LPGAT1: variants seen among roughly 807,000 people sequenced by gnomAD.
The protein encoded by LPGAT1 is lysophosphatidylglycerol acyltransferase 1.
A neutral mutation model predicts 47.5 loss-of-function variants in LPGAT1; 11 were observed. The observed-to-expected ratio is 0.23, with a 90% confidence interval of 0.15 to 0.38. The LOEUF is 0.38. Ranked by LOEUF, LPGAT1 falls within the 10% of genes least tolerant of loss-of-function variation. The pLI is 1.00. For missense variants in LPGAT1, 293 were observed against 439.0 expected, an observed-to-expected ratio of 0.67 and a Z score of 2.97; for synonymous variants, 138 against 144.2, an observed-to-expected ratio of 0.96 and a Z score of 0.31.
intron 2 of LPGAT1, among the ~76,000 whole-genome samples, chr1:211,817,237 G>C (rs1281259337): frequency 1.3e-5 from 2 of 152,142 alleles, no homozygotes; most frequent in African/African-American, 2.4e-5. Context: ...TGTCACAAAT[G>C]CATTTTGAAC....
At chr1:211,827,668 A>G (rs1344859043) in intron 2 of LPGAT1, among the ~76,000 whole-genome samples, 2 of 152,044 alleles carry the variant, frequency 1.3e-5, no homozygotes, top group African/African-American at 2.4e-5. Flanking sequence ...ACTCTAAGAC[A>G]GCAGTGCAAT....
intron 6 of LPGAT1, among the ~76,000 whole-genome samples, chr1:211,752,570 C>T (rs555365696): frequency 6.6e-6 from 1 of 152,270 alleles, no homozygotes; most frequent in Non-Finnish European, 1.5e-5. Flanking sequence ...TTGTCCTGTA[C>T]CTAACTCAGA....
At chr1:211,806,049 C>A (rs140689018) in intron 2 of LPGAT1, among the ~76,000 whole-genome samples, 1 of 152,228 alleles carries the variant, frequency 6.6e-6, no homozygotes, top group East Asian at 1.9e-4. Context: ...CACTTGAGGT[C>A]ATAAGTTCGA....
chr1:211,776,163 T>A (rs376589961), intron 6 of LPGAT1, among the ~76,000 whole-genome samples: 133 of 152,190 alleles, frequency 8.7e-4, no homozygotes, highest in African/African-American at 3.1e-3. Context: ...TTAAAATACA[T>A]GAAATATCTT....
intron 6 of LPGAT1, among the ~76,000 whole-genome samples, chr1:211,772,132 A>C (rs1658198822): frequency 6.6e-6 from 1 of 152,168 alleles, no homozygotes; most frequent in South Asian, 2.1e-4. Context: ...GGTATGGAGT[A>C]AAATTCTAAC....
intron 4 of LPGAT1, among the ~76,000 whole-genome samples, chr1:211,784,134 T>A (rs534865414): frequency 5.9e-5 from 9 of 152,120 alleles, no homozygotes; most frequent in African/African-American, 1.4e-4. Flanking sequence ...GGCTGAAGTG[T>A]GATAAACAAG....
At chr1:211,786,055 G>T (rs370399953) in intron 4 of LPGAT1, among the ~76,000 whole-genome samples, 1 of 152,226 alleles carries the variant, frequency 6.6e-6, no homozygotes, top group East Asian at 1.9e-4. Flanking sequence ...TGTTGGTTCC[G>T]CTGCCTTCTC....
chr1:211,750,794 G>C (rs1029413795), intron 7 of LPGAT1, among the ~76,000 whole-genome samples, 167 bp downstream of exon 7: 1 of 152,156 alleles, frequency 6.6e-6, no homozygotes, highest in African/African-American at 2.4e-5. Context: ...CTTTGTCCTT[G>C]CTGATAATCC....
In LPGAT1 at chr1:211,757,337, T is replaced by C. The variant is rs144495385; in HGVS notation, c.855-6270A>G. On this transcript the variant is annotated intron_variant, in intron 6 of 7. Coordinates refer to ENST00000366997, the MANE Select transcript of LPGAT1 (RefSeq NM_014873.3). Reference sequence around the variant, plus strand: ...TGCCAGTTGCGTGACCTTGGGAAAATTGTTTAACTGCTGTATGACTTACTT... The same window carrying C: ...TGCCAGTTGCGTGACCTTGGGAAAACTGTTTAACTGCTGTATGACTTACTT... Among the ~76,000 whole-genome samples the C allele has an allele frequency of 2.5e-3, 382 of 152,086 alleles. 3 individuals are homozygous for C. The highest frequency in any genetic ancestry group is 8.4e-3 in the African/African-American group (347 of 41,492).
At chr1:211,793,771 A>G (rs1340846231) in intron 2 of LPGAT1, among the ~76,000 whole-genome samples, 1 of 152,162 alleles carries the variant, frequency 6.6e-6, no homozygotes, top group East Asian at 1.9e-4. Flanking sequence ...ATTTCCTAGA[A>G]TTTATCCTAC....
chr1:211,813,745 C>T (rs2102591784), intron 2 of LPGAT1, among the ~76,000 whole-genome samples: 1 of 152,308 alleles, frequency 6.6e-6, no homozygotes, highest in East Asian at 1.9e-4. Flanking sequence ...TTCATCTGTA[C>T]AAGCTTCTTA....
intron 6 of LPGAT1, among the ~76,000 whole-genome samples, chr1:211,761,472 T>C (rs1657696290): frequency 6.6e-6 from 1 of 152,224 alleles, no homozygotes; most frequent in Admixed American, 6.5e-5. Context: ...ATTTTTTCTC[T>C]TGTCTTTATC....
chr1:211,821,670 T>C (rs183955085), intron 2 of LPGAT1, among the ~76,000 whole-genome samples: 481 of 152,198 alleles, frequency 3.2e-3, no homozygotes, highest in Non-Finnish European at 5.0e-3. Flanking sequence ...TTTAAATAAA[T>C]ATTACTGACT....
intron 2 of LPGAT1, among the ~76,000 whole-genome samples, chr1:211,815,875 T>C (rs1264114754): frequency 6.6e-6 from 1 of 151,028 alleles, no homozygotes; most frequent in East Asian, 1.9e-4. Context: ...GCCTCCCATG[T>C]TCACGCCATT....
chr1:211,759,884 T>C (rs948145101), intron 6 of LPGAT1, among the ~76,000 whole-genome samples: 1 of 152,232 alleles, frequency 6.6e-6, no homozygotes, highest in African/African-American at 2.4e-5. Context: ...TGTAAGTTTA[T>C]AGGATAAATT....
intron 6 of LPGAT1, 98 bp from the exon 7 acceptor site, chr1:211,751,165 T>C: frequency 1.3e-6 from 1 of 777,048 alleles, no homozygotes; most frequent in Non-Finnish European, 2.1e-6. Flanking sequence ...TAAAATTGTG[T>C]TGTCATCTTT....
chr1:211,777,801 C>T (rs544411680), intron 6 of LPGAT1, among the ~76,000 whole-genome samples: 1 of 152,254 alleles, frequency 6.6e-6, no homozygotes, highest in South Asian at 2.1e-4. Context: ...GAGACCTACT[C>T]GGCTGCATTC....
chr1:211,818,458 T>A (rs111262239), intron 2 of LPGAT1, among the ~76,000 whole-genome samples: 3,597 of 152,278 alleles, frequency 0.024, 66 homozygotes, highest in Non-Finnish European at 0.03. Flanking sequence ...GTGGAATTTG[T>A]TTTCATGTTT....
chr1:211,828,139 C>G (rs1571776378), intron 2 of LPGAT1, among the ~76,000 whole-genome samples: 1 of 152,320 alleles, frequency 6.6e-6, no homozygotes, highest in East Asian at 1.9e-4. Flanking sequence ...TGAACTACAG[C>G]CTCTACTGAC....
Sources: allele counts gnomAD v4.1 joint callset (sites outside exome capture counted in the v4.1 genomes callset), GRCh38; gene constraint gnomAD v4.1.1; transcripts MANE v1.5; gene names NCBI Gene and HGNC (gene_info 2026-07-23, HGNC 2026-07-21).